Variants in SLC25A26 observed in about 807,000 individuals in gnomAD.
SLC25A26 encodes mitochondrial S-adenosylmethionine carrier protein.
Under a neutral mutation model 37.8 loss-of-function variants are expected in SLC25A26, and 36 were observed. That is an observed-to-expected ratio of 0.95 (90% CI 0.73 to 1.26). The LOEUF (loss-of-function observed/expected upper bound fraction) is 1.26. SLC25A26 is among the 50% of genes most tolerant of loss of function. SLC25A26 has a pLI of 0.00. For missense variants in SLC25A26, 390 were observed against 331.1 expected (o/e 1.18, Z -1.38); for synonymous variants, 129 against 122.5 (o/e 1.05, Z -0.35).
chr3:66,261,997 C>A (rs1184590106), intron 3 of SLC25A26, 54 bp from the exon 4 acceptor site: 1 of 1,117,196 alleles, frequency 9.0e-7, no homozygotes, highest in Non-Finnish European at 1.3e-6. Context: ...CAAAAAATTT[C>A]AATTTTTATA....
At chr3:66,209,587 A>G in intron 1 of SLC25A26, among the ~76,000 whole-genome samples, 1 of 139,144 alleles carries the variant, frequency 7.2e-6, no homozygotes, top group South Asian at 2.4e-4. Context: ...AAGTATAGGC[A>G]TATATATATA....
intron 1 of SLC25A26, among the ~76,000 whole-genome samples, chr3:66,189,199 A>T (rs1410566167): frequency 6.6e-6 from 1 of 151,920 alleles, no homozygotes; most frequent in African/African-American, 2.4e-5. Context: ...CCTTATGTTG[A>T]CCCTGACCCT....
chr3:66,134,697 A>G (rs193202120), intron 1 of SLC25A26, among the ~76,000 whole-genome samples: 5 of 152,318 alleles, frequency 3.3e-5, no homozygotes, highest in Non-Finnish European at 1.5e-5. Context: ...AATCATGTCC[A>G]TGTCTTTGGA....
rs185624786 is a variant in SLC25A26, at chr3:66,303,206, A to G, written c.453+39827A>G. 8.5e-5 allele frequency among the ~76,000 whole-genome samples: 13 copies of G among 152,306 alleles called. No individual in the cohort carries two copies. In the East Asian group the frequency reaches 2.5e-3, roughly 29 times the overall value. ...TATTGGCTTTGTACTCCACTTTTCT[A>G]AAGCATTCAGTATTTATTTTATGGC... On this transcript the variant is annotated intron_variant, in intron 5 of 9. Coordinates refer to ENST00000354883, the MANE Select transcript of SLC25A26 (RefSeq NM_001379210.1).
chr3:66,157,231 C>G (rs2070295910), intron 1 of SLC25A26, among the ~76,000 whole-genome samples: 1 of 152,112 alleles, frequency 6.6e-6, no homozygotes, highest in Non-Finnish European at 1.5e-5. Flanking sequence ...GAGACCCTGT[C>G]TCAAAAGAGA....
chr3:66,170,482 T>A (rs1281703016), intron 1 of SLC25A26, among the ~76,000 whole-genome samples: 1 of 152,210 alleles, frequency 6.6e-6, no homozygotes, highest in African/African-American at 2.4e-5. Flanking sequence ...AGAATTGTGA[T>A]GAAGAGCGCA....
Position 66,275,061 on chromosome 3 carries a change from C to T in SLC25A26, c.453+11682C>T, listed in dbSNP as rs1425345649. On this transcript the variant is annotated intron_variant, in intron 5 of 9. Transcript: ENST00000354883. ...TGTGGCACATATACACCATGGAATA[C>T]TACGCAGCCATAAAAAATGATGAGT... Among the ~76,000 whole-genome samples the T allele has an allele frequency of 2.6e-5, 4 of 152,008 alleles. No homozygotes were observed. The East Asian group carries it at 7.7e-4, about 29-fold the overall frequency.
intron 9 of SLC25A26, chr3:66,371,545 T>C: frequency 8.3e-7 from 1 of 1,201,072 alleles, no homozygotes; most frequent in Non-Finnish European, 1.1e-6. Context: ...GGGATTGACG[T>C]TGGGGGTGTG....
chr3:66,376,612 C>T (rs1015497766), intron 9 of SLC25A26, among the ~76,000 whole-genome samples: 1 of 152,180 alleles, frequency 6.6e-6, no homozygotes, highest in African/African-American at 2.4e-5. Flanking sequence ...ACTTAATAGA[C>T]TGTAGTAGAA....
chr3:66,184,479 C>A (rs1486693316), intron 1 of SLC25A26, among the ~76,000 whole-genome samples: 1 of 83,412 alleles, frequency 1.2e-5, no homozygotes, highest in Non-Finnish European at 2.4e-5. Context: ...CTTGAAAAGA[C>A]CCTGACACTC....
intron 5 of SLC25A26, among the ~76,000 whole-genome samples, chr3:66,326,759 G>T (rs1195554090): frequency 6.6e-6 from 1 of 152,124 alleles, no homozygotes; most frequent in Non-Finnish European, 1.5e-5. Context: ...GTGTTCATAG[G>T]AACAAGATCT....
chr3:66,319,715 A>AAATCAAAG (rs2075640110), intron 5 of SLC25A26, among the ~76,000 whole-genome samples: 1 of 151,738 alleles, frequency 6.6e-6, no homozygotes, highest in African/African-American at 2.4e-5. Flanking sequence ...AGCTAAACTG[A>AAATCAAAG]AATCAAAGTA....
chr3:66,338,452 C>T (rs2076138138), intron 5 of SLC25A26, among the ~76,000 whole-genome samples: 2 of 151,906 alleles, frequency 1.3e-5, no homozygotes. Flanking sequence ...TTGGTTTTCT[C>T]AGTCTTTTGA....
intron 1 of SLC25A26, among the ~76,000 whole-genome samples, chr3:66,211,780 CTGAAGAAAAAGTATGTCTTT>C (rs2071286897): frequency 6.6e-6 from 1 of 152,176 alleles, no homozygotes; most frequent in Non-Finnish European, 1.5e-5. Context: ...TCCATCTCTT[CTGAAGAAAAAGTATGTCTTT>C]TATTGTTGTA....
At chr3:66,150,430 G>A (rs1205351670) in intron 1 of SLC25A26, among the ~76,000 whole-genome samples, 9 of 148,542 alleles carry the variant, frequency 6.1e-5, no homozygotes, top group East Asian at 2.0e-4. Context: ...CCTGGGAGGC[G>A]GAGGTTGCAG....
chr3:66,284,339 G>A (rs948386166), intron 5 of SLC25A26, among the ~76,000 whole-genome samples: 4 of 152,282 alleles, frequency 2.6e-5, no homozygotes, highest in African/African-American at 9.6e-5. Flanking sequence ...ATAGAGCAAT[G>A]TTAGAAAGAA....
intron 3 of SLC25A26, among the ~76,000 whole-genome samples, chr3:66,258,612 A>G (rs2073397868): frequency 6.6e-6 from 1 of 152,246 alleles, no homozygotes; most frequent in South Asian, 2.1e-4. Context: ...ACATTAAAAA[A>G]GGTGAAAACA....
chr3:66,199,991 C>T (rs2071088737), intron 1 of SLC25A26, among the ~76,000 whole-genome samples: 1 of 152,132 alleles, frequency 6.6e-6, no homozygotes, highest in African/African-American at 2.4e-5. Flanking sequence ...TTGTAACTTG[C>T]AATATGAAAA....
intron 1 of SLC25A26, among the ~76,000 whole-genome samples, chr3:66,201,501 T>G (rs2106813794): frequency 6.6e-6 from 1 of 152,152 alleles, no homozygotes; most frequent in South Asian, 2.1e-4. Context: ...ACCTGGCTAA[T>G]TTTTTATTTT....
Sources: allele counts gnomAD v4.1 joint callset (sites outside exome capture counted in the v4.1 genomes callset), GRCh38; gene constraint gnomAD v4.1.1; transcripts MANE v1.5; gene names NCBI Gene and HGNC (gene_info 2026-07-23, HGNC 2026-07-21).